CREB3L1: variants seen among roughly 807,000 people sequenced by gnomAD.
The protein encoded by CREB3L1 is cAMP responsive element binding protein 3 like 1, also known as cyclic AMP-responsive element-binding protein 3-like protein 1.
A neutral mutation model predicts 54.5 loss-of-function variants in CREB3L1; 33 were observed. The observed-to-expected ratio is 0.61, with a 90% CI of 0.46 to 0.81. The LOEUF is 0.81. Ranked by LOEUF, CREB3L1 falls within the 30% of genes least tolerant of loss-of-function variation. The pLI is 0.00. For synonymous variants in CREB3L1, 284 were observed against 286.4 expected (o/e 0.99, Z 0.08); for missense variants, 656 against 673.3 (o/e 0.97, Z 0.29).
At chr11:46,290,453 T>C (rs1176814271) in intron 1 of CREB3L1, among the ~76,000 whole-genome samples, 1 of 151,998 alleles carries the variant, frequency 6.6e-6, no homozygotes, top group East Asian at 1.9e-4. Context: ...CTCACCATCC[T>C]TCCAGCCCTG....
intron 4 of CREB3L1, 105 bp from the exon 5 acceptor site, chr11:46,310,927 C>G (rs1034780350): frequency 1.1e-5 from 16 of 1,438,478 alleles, no homozygotes; most frequent in Non-Finnish European, 1.4e-5. Context: ...CAGTCCGTGT[C>G]CCACAATGTC....
At chr11:46,312,140 C>T (rs1457935354) in intron 5 of CREB3L1, among the ~76,000 whole-genome samples, 185 bp from the exon 6 acceptor site, 1 of 152,194 alleles carries the variant, frequency 6.6e-6, no homozygotes, top group Non-Finnish European at 1.5e-5. Context: ...CCTGAGCTCT[C>T]AGCATGGCCC....
chr11:46,304,240 A>T (rs1433185783), intron 2 of CREB3L1, among the ~76,000 whole-genome samples: 2 of 152,184 alleles, frequency 1.3e-5, no homozygotes, highest in African/African-American at 2.4e-5. Flanking sequence ...TGGTAGGCCG[A>T]GGAGGGTGGA....
chr11:46,284,917 C>T (rs1285287557), intron 1 of CREB3L1, among the ~76,000 whole-genome samples: 3 of 152,170 alleles, frequency 2.0e-5, no homozygotes, highest in Non-Finnish European at 4.4e-5. Context: ...CTTAGGGCAC[C>T]TTGGATGCCT....
In CREB3L1 at chr11:46,320,722, C is replaced by G; in HGVS notation, c.1536C>G (p.Pro512=). 3 of 1,612,308 alleles carry G rather than the reference C, an allele frequency of 1.9e-6. No individual in the cohort carries two copies. Among genetic ancestry groups the G allele is most frequent in the Non-Finnish European group, 2.5e-6 (3 of 1,179,288 alleles). The change falls in exon 12 of 12, where the codon CCC becomes CCG. Residue 512 remains proline (P), a synonymous_variant. Transcript: ENST00000621158. ...CTTCTCTCTCCAGGGATCTGGGCCC[C>G]AACACCACCATCAAACTCTCCTAGG... ...KEWFHDRDLG[P]NTTIKLS
chr11:46,317,541 C>G (rs1056266320), intron 10 of CREB3L1, 54 bp downstream of exon 10: 8 of 1,593,592 alleles, frequency 5.0e-6, no homozygotes, highest in African/African-American at 1.3e-5. Context: ...CCTGCCCCAG[C>G]CCCAGTGTCC....
rs1939582411 is a variant in CREB3L1 at position 46,317,321 on chromosome 11, C to G, written c.1132-40C>G. The G allele has an allele frequency of 2.5e-6, 4 of 1,612,270 alleles. No individual in the cohort carries two copies. In the African/African-American group the frequency reaches 4.0e-5, roughly 16 times the overall value. ...TGGGGTGGTCAGGGCCGTGGCCCCT[C>G]CTTACCCCAGATCTGATGCCACTCT... On this transcript the variant is annotated intron_variant, in intron 9 of 11. Transcript: ENST00000621158.
intron 5 of CREB3L1, among the ~76,000 whole-genome samples, chr11:46,311,497 C>CT (rs1330343250): frequency 4.4e-4 from 67 of 150,778 alleles, no homozygotes; most frequent in Admixed American, 3.8e-3. Flanking sequence ...CCGTGTCTGG[C>CT]TTTTTTTTGT....
Position 46,304,691 on chromosome 11 carries a change from T to G in CREB3L1, c.332-3125T>G, listed in dbSNP as rs964429474. ...AGTCTTTTTTTAATTATTAATTTTT[T>G]GGGGGGGGCGGGCAGGGTGACAGGG... On this transcript the variant is annotated intron_variant, in intron 2 of 11. Coordinates refer to ENST00000621158, the MANE Select transcript of CREB3L1 (RefSeq NM_052854.4). Among the ~76,000 whole-genome samples the G allele has an allele frequency of 4.1e-4, 58 of 142,980 alleles. 1 individual carries two copies. In the East Asian group the frequency reaches 9.9e-3, roughly 24 times the overall value. The allele number at this position is 142,980 out of a possible 152,430, so 93.8% of individuals were successfully genotyped here.
At chr11:46,302,958 G>A (rs905320215) in intron 2 of CREB3L1, among the ~76,000 whole-genome samples, 1 of 152,092 alleles carries the variant, frequency 6.6e-6, no homozygotes, top group East Asian at 1.9e-4. Flanking sequence ...TCCAGCGGAG[G>A]TGACAAAGCG....
intron 7 of CREB3L1, 67 bp from the exon 8 acceptor site, chr11:46,312,784 G>T: frequency 6.5e-7 from 1 of 1,547,472 alleles, no homozygotes; most frequent in Non-Finnish European, 8.8e-7. Context: ...ATGGTGGTGG[G>T]CTGGGCCGAG....
At chr11:46,294,102 G>A (rs908471021) in intron 1 of CREB3L1, among the ~76,000 whole-genome samples, 1 of 152,170 alleles carries the variant, frequency 6.6e-6, no homozygotes, top group African/African-American at 2.4e-5. Context: ...GAACCCCTCA[G>A]CCCACATCTG....
intron 1 of CREB3L1, among the ~76,000 whole-genome samples, chr11:46,281,705 G>A (rs1430142997): frequency 6.6e-6 from 1 of 152,214 alleles, no homozygotes; most frequent in Non-Finnish European, 1.5e-5. Flanking sequence ...GAAGCAGAGA[G>A]GCACCCCCAC....
chr11:46,308,235 G>A lies in CREB3L1; in HGVS notation c.516+235G>A, dbSNP rs561853240. 9.2e-5 allele frequency among the ~76,000 whole-genome samples: 14 copies of A among 152,012 alleles called. No individual in the cohort carries two copies. The South Asian group carries it at 2.1e-3, about 23-fold the overall frequency. ...CCCCCTTGGAGTAACTGAGGCTCTC[G>A]TCTGTGCAGAAAAAGACAGCTTGCA... On this transcript the variant is annotated intron_variant, in intron 3 of 11. Coordinates refer to ENST00000621158, the MANE Select transcript of CREB3L1 (RefSeq NM_052854.4).
chr11:46,286,736 G>A (rs1020743320), intron 1 of CREB3L1, among the ~76,000 whole-genome samples: 5 of 152,096 alleles, frequency 3.3e-5, no homozygotes, highest in African/African-American at 1.2e-4. Context: ...AGTGAGCCGA[G>A]ATTGAACCAC....
At position 46,286,218 on chromosome 11, in the gene CREB3L1, T is replaced by G. The variant is rs184333672; in HGVS notation, c.102+8005T>G. ...GGAAGGAAGGCAGGATGGAGTAGGG[T>G]GGGGACGATAGAGGAATGAATAGGT... On this transcript the variant is annotated intron_variant, in intron 1 of 11. Transcript: ENST00000621158. Among the ~76,000 whole-genome samples the G allele has an allele frequency of 3.2e-3, 486 of 152,128 alleles. 3 individuals are homozygous for G. The highest frequency in any genetic ancestry group is 0.011 in the African/African-American group (467 of 41,504).
chr11:46,312,769 G>A (rs1939511088), intron 7 of CREB3L1, 82 bp from the exon 8 acceptor site: 3 of 1,547,332 alleles, frequency 1.9e-6, no homozygotes, highest in African/African-American at 1.4e-5. Flanking sequence ...GGCACAGGGA[G>A]TGTGATGGTG....
intron 8 of CREB3L1, 48 bp downstream of exon 8, chr11:46,312,967 C>T (rs546920396): frequency 1.6e-5 from 22 of 1,417,468 alleles, no homozygotes; most frequent in South Asian, 7.5e-5. Context: ...CCCTCTGCAA[C>T]CCGTGCCTGG....
chr11:46,298,699 G>A (rs1416794974), intron 1 of CREB3L1, among the ~76,000 whole-genome samples: 1 of 152,124 alleles, frequency 6.6e-6, no homozygotes, highest in Non-Finnish European at 1.5e-5. Context: ...ACTCTCACAA[G>A]CAAGACAGAA....
Sources: allele counts gnomAD v4.1 joint callset (sites outside exome capture counted in the v4.1 genomes callset), GRCh38; gene constraint gnomAD v4.1.1; transcripts MANE v1.5; gene names NCBI Gene and HGNC (gene_info 2026-07-23, HGNC 2026-07-21).